The following RARB variants were observed in gnomAD, a reference collection of about 807,000 sequenced individuals.
The protein encoded by RARB is HBV-activated protein.
In RARB, 17 loss-of-function variants were observed where a neutral mutation model predicts 51.9. That is an observed-to-expected ratio of 0.33 (90% confidence interval 0.22 to 0.49). RARB has a LOEUF of 0.49. RARB is among the 20% of genes least tolerant of loss of function. The pLI is 0.99. For missense variants in RARB, 369 were observed against 550.8 expected, an observed-to-expected ratio of 0.67 and a Z score of 3.30; for synonymous variants, 215 against 195.4, an observed-to-expected ratio of 1.10 and a Z score of -0.84.
intron 3 of RARB, among the ~76,000 whole-genome samples, chr3:25,536,729 G>A (rs561988769): frequency 1.6e-4 from 25 of 152,332 alleles, no homozygotes; most frequent in African/African-American, 5.5e-4. Context: ...GCAGCTGGGC[G>A]TTTCTGGAAG....
At chr3:25,071,646 A>C (rs890143724) in intron 3 of RARB, among the ~76,000 whole-genome samples, 2 of 152,220 alleles carry the variant, frequency 1.3e-5, no homozygotes, top group Admixed American at 6.5e-5. Context: ...GAGGAAGGAG[A>C]ATAGTAATGA....
At chr3:25,228,717 G>T (rs1038142397) in intron 5 of RARB, among the ~76,000 whole-genome samples, 1 of 151,954 alleles carries the variant, frequency 6.6e-6, no homozygotes, top group Non-Finnish European at 1.5e-5. Context: ...AGTTCTCTAT[G>T]TGTGACTTTT....
intron 5 of RARB, among the ~76,000 whole-genome samples, chr3:25,232,831 C>T (rs1264852098): frequency 6.6e-6 from 1 of 152,132 alleles, no homozygotes; most frequent in Middle Eastern, 3.2e-3. Flanking sequence ...AGATATTCAA[C>T]ACTTTATTAT....
intron 2 of RARB, among the ~76,000 whole-genome samples, chr3:24,960,324 T>A (rs1307174900): frequency 1.3e-5 from 2 of 152,240 alleles, no homozygotes; most frequent in Non-Finnish European, 2.9e-5. Context: ...TTAAAGTAAG[T>A]TATGCAGCAC....
At chr3:25,161,637 T>A (rs1007222175) in intron 4 of RARB, among the ~76,000 whole-genome samples, 1 of 152,238 alleles carries the variant, frequency 6.6e-6, no homozygotes, top group Non-Finnish European at 1.5e-5. Flanking sequence ...ACACTCATCA[T>A]TCTCTTCCAC....
intron 2 of RARB, among the ~76,000 whole-genome samples, chr3:24,859,169 C>G (rs1575039182): frequency 6.6e-6 from 1 of 151,826 alleles, no homozygotes; most frequent in South Asian, 2.1e-4. Flanking sequence ...CAGTTCAACT[C>G]AAGGCAGCAG....
chr3:25,205,480 G>T (rs1258613254), intron 5 of RARB, among the ~76,000 whole-genome samples: 4 of 152,090 alleles, frequency 2.6e-5, no homozygotes, highest in Admixed American at 2.6e-4. Flanking sequence ...TGGTACCTCA[G>T]TTGGAAATGC....
intron 5 of RARB, among the ~76,000 whole-genome samples, chr3:25,345,323 C>G (rs11129196): frequency 0.31 from 46,747 of 151,904 alleles, 7,813 homozygotes; most frequent in South Asian, 0.48. Flanking sequence ...TTTTCCTTTT[C>G]GGCTGTTGTG....
At chr3:25,390,235 G>A (rs1201031584) in intron 5 of RARB, among the ~76,000 whole-genome samples, 1 of 152,152 alleles carries the variant, frequency 6.6e-6, no homozygotes, top group Non-Finnish European at 1.5e-5. Flanking sequence ...GTGCATGCCT[G>A]TAGCCCCCAG....
At chr3:25,206,058 T>C (rs1002867398) in intron 5 of RARB, among the ~76,000 whole-genome samples, 3 of 152,210 alleles carry the variant, frequency 2.0e-5, no homozygotes, top group East Asian at 1.9e-4. Context: ...TGACGTATGT[T>C]TTTGACGTAT....
intron 5 of RARB, among the ~76,000 whole-genome samples, chr3:25,279,042 A>G (rs73820408): frequency 0.05 from 7,611 of 152,258 alleles, 648 homozygotes; most frequent in African/African-American, 0.17. Flanking sequence ...AGTGGTGATC[A>G]CAGAAATACC....
At chr3:24,886,296 C>A (rs1042050973) in intron 2 of RARB, among the ~76,000 whole-genome samples, 4 of 152,122 alleles carry the variant, frequency 2.6e-5, no homozygotes, top group Admixed American at 2.6e-4. Context: ...CTGATTCACT[C>A]ATTTCTTTGG....
At chr3:24,837,959 A>G (rs1326668698) in intron 1 of RARB, among the ~76,000 whole-genome samples, 1 of 152,226 alleles carries the variant, frequency 6.6e-6, no homozygotes, top group East Asian at 1.9e-4. Flanking sequence ...AAGTCCAGAC[A>G]GGCTTACCAG....
chr3:24,863,930 G>A (rs1410950066), intron 2 of RARB, among the ~76,000 whole-genome samples: 8 of 151,726 alleles, frequency 5.3e-5, no homozygotes, highest in African/African-American at 9.7e-5. Flanking sequence ...TTCAAGGCCC[G>A]CCCCTCCCTG....
At chr3:25,491,947 A>G (rs975884274) in intron 2 of RARB, among the ~76,000 whole-genome samples, 7 of 151,288 alleles carry the variant, frequency 4.6e-5, no homozygotes, top group African/African-American at 1.5e-4. Flanking sequence ...TCTCAAAAAA[A>G]AAAAAAAATT....
intron 2 of RARB, among the ~76,000 whole-genome samples, chr3:25,012,166 A>G (rs1238597092): frequency 6.6e-6 from 1 of 152,132 alleles, no homozygotes; most frequent in African/African-American, 2.4e-5. Context: ...ACCCCACTAA[A>G]CATTGAACAG....
Position 24,902,567 on chromosome 3 carries a change from T to C in RARB, c.-380+43815T>C, listed in dbSNP as rs557252486. Among the ~76,000 whole-genome samples the C allele has an allele frequency of 1.7e-4, 26 of 152,270 alleles. 1 individual carries two copies. The South Asian group carries it at 5.0e-3, about 29-fold the overall frequency. On this transcript the variant is annotated intron_variant, in intron 2 of 11. Transcript: ENST00000383772. ...TGGTCTGGGTTGGGAATTTTATGAA[T>C]TTATATGTATTGTACAGTGAACCGA...
At chr3:24,925,461 G>A (rs990204161) in intron 2 of RARB, among the ~76,000 whole-genome samples, 5 of 151,758 alleles carry the variant, frequency 3.3e-5, no homozygotes, top group South Asian at 2.1e-4. Context: ...TGGGAAATAC[G>A]GCAAAACCCT....
chr3:25,225,074 G>A (rs1185626002), intron 5 of RARB, among the ~76,000 whole-genome samples: 5 of 151,950 alleles, frequency 3.3e-5, no homozygotes, highest in East Asian at 3.9e-4. Flanking sequence ...ACAGATTAAG[G>A]TGATACCTAA....
Sources: allele counts gnomAD v4.1 joint callset (sites outside exome capture counted in the v4.1 genomes callset), GRCh38; gene constraint gnomAD v4.1.1; transcripts MANE v1.5; gene names NCBI Gene and HGNC (gene_info 2026-07-23, HGNC 2026-07-21).